Variants in ATL1 observed in about 807,000 individuals in gnomAD.
The protein encoded by ATL1 is atlastin GTPase 1.
ATL1 carries 31 observed loss-of-function variants against 75.5 expected under a neutral mutation model. The ratio of observed to expected loss-of-function variants is 0.41; its 90% CI spans 0.31 to 0.55. The LOEUF (loss-of-function observed/expected upper bound fraction) is 0.55, where lower values mean the gene tolerates loss of function less well. Among genes scored for constraint, ATL1 ranks in the 20% least tolerant of loss-of-function variants. The pLI, the probability that ATL1 is intolerant of heterozygous loss-of-function variation, is 0.27. For missense variants in ATL1, 405 were observed against 662.6 expected (o/e 0.61, Z 4.27); for synonymous variants, 226 against 233.3 (o/e 0.97, Z 0.28).
Position 50,632,311 on chromosome 14 carries a change from C to T in ATL1, c.1649C>T (p.Thr550Ile), listed in dbSNP as rs771727341. 4 of 1,612,808 alleles carry T rather than the reference C, an allele frequency of 2.5e-6. No individual in the cohort carries two copies. The African/African-American group carries it at 4.0e-5, about 16-fold the overall frequency. Reference sequence around the variant, plus strand: ...TTCCCTACACCAAAGTCGGAATCTACTGAACAATCAGAAAAGAAAAAAATG... The same window carrying T: ...TTCCCTACACCAAAGTCGGAATCTATTGAACAATCAGAAAAGAAAAAAATG... ...QAFPTPKSES[T>I]EQSEKKKM The change falls in exon 14 of 14, where the codon ACT becomes ATT. Residue 550 changes from threonine (T) to isoleucine (I), a missense_variant. Coordinates refer to ENST00000358385, the MANE Select transcript of ATL1 (RefSeq NM_015915.5).
At chr14:50,578,838 C>T (rs2039030794) in intron 1 of ATL1, among the ~76,000 whole-genome samples, 1 of 152,112 alleles carries the variant, frequency 6.6e-6, no homozygotes, top group South Asian at 2.1e-4. Flanking sequence ...ATTGCTGGGT[C>T]AGGAATACAT....
rs558910913 is a variant in ATL1 at position 50,604,006 on chromosome 14, C to T, written c.630+8374C>T. Reference sequence around the variant, plus strand: ...CCTGAAATGTCCAGAAGAGCAATAACAGCAATTTATTGCATGCTTATTTTG... The same window carrying T: ...CCTGAAATGTCCAGAAGAGCAATAATAGCAATTTATTGCATGCTTATTTTG... On this transcript the variant is annotated intron_variant, in intron 6 of 13. Coordinates refer to ENST00000358385, the MANE Select transcript of ATL1 (RefSeq NM_015915.5). 9.2e-5 allele frequency among the ~76,000 whole-genome samples: 14 copies of T among 152,296 alleles called. No homozygotes were observed. The South Asian group carries it at 2.9e-3, about 32-fold the overall frequency.
At chr14:50,607,612 G>A (rs1279738490) in intron 6 of ATL1, among the ~76,000 whole-genome samples, 1 of 151,944 alleles carries the variant, frequency 6.6e-6, no homozygotes, top group Non-Finnish European at 1.5e-5. Flanking sequence ...CAGTTCTGGT[G>A]TTTACCTTTA....
At chr14:50,612,420 T>C (rs1004277940) in intron 6 of ATL1, among the ~76,000 whole-genome samples, 2 of 152,160 alleles carry the variant, frequency 1.3e-5, no homozygotes, top group Non-Finnish European at 2.9e-5. Flanking sequence ...TTCAAAGGTA[T>C]AAAAAGTTAA....
rs563218591 is a variant in ATL1 at position 50,602,504 on chromosome 14, C to T, written c.630+6872C>T. Among the ~76,000 whole-genome samples, 5 of 152,148 alleles carry T rather than the reference C, an allele frequency of 3.3e-5. No homozygotes were observed. The South Asian group carries it at 1.0e-3, about 32-fold the overall frequency. ...AGGCTATGAAGAAATAGAAACATTC[C>T]CCATTTACTAAAGTGTATTATAGTC... On this transcript the variant is annotated intron_variant, in intron 6 of 13. Transcript: ENST00000358385.
intron 8 of ATL1, among the ~76,000 whole-genome samples, chr14:50,616,729 GA>G (rs1392774922): frequency 1.3e-5 from 2 of 152,180 alleles, no homozygotes; most frequent in East Asian, 3.8e-4. Flanking sequence ...CTAGGAAAAA[GA>G]GTAGTGAAAG....
chr14:50,562,965 A>G (rs1344072381), intron 1 of ATL1, among the ~76,000 whole-genome samples: 2 of 152,222 alleles, frequency 1.3e-5, no homozygotes, highest in Non-Finnish European at 2.9e-5. Context: ...AGCTAATGTC[A>G]TATGAAATAG....
chr14:50,578,799 A>G (rs1274915525), intron 1 of ATL1, among the ~76,000 whole-genome samples: 1 of 152,186 alleles, frequency 6.6e-6, no homozygotes, highest in Non-Finnish European at 1.5e-5. Flanking sequence ...ATGTATGAGT[A>G]TATCTGCAAA....
intron 6 of ATL1, among the ~76,000 whole-genome samples, chr14:50,607,434 C>A (rs2039325850): frequency 6.6e-6 from 1 of 151,986 alleles, no homozygotes. Context: ...TGACATCAGT[C>A]TGAGAATATG....
In ATL1 at chr14:50,582,404, T is replaced by G. The variant is rs949933483; in HGVS notation, c.35-5427T>G. On this transcript the variant is annotated intron_variant, in intron 1 of 13. Transcript: ENST00000358385. ...TTCACTCCAATCTTTTATTACAAAC[T>G]TTTCTCTTTTTTTTTTTTTCCATAA... Among the ~76,000 whole-genome samples, 13 of 151,528 alleles carry G rather than the reference T, an allele frequency of 8.6e-5. No homozygotes were observed. In the Middle Eastern group the frequency reaches 0.01, roughly 121 times the overall value.
intron 6 of ATL1, among the ~76,000 whole-genome samples, chr14:50,610,061 A>C (rs1018207434): frequency 2.0e-5 from 3 of 151,926 alleles, no homozygotes; most frequent in African/African-American, 7.2e-5. Flanking sequence ...TAAAACCTGG[A>C]TTCACACCCG....
At chr14:50,542,306 A>T (rs955123877) in intron 1 of ATL1, among the ~76,000 whole-genome samples, 1 of 146,604 alleles carries the variant, frequency 6.8e-6, no homozygotes, top group African/African-American at 2.5e-5. Context: ...GGTTGGGGGC[A>T]AGGGGAGAGA....
chr14:50,593,116 T>C (rs2039179216), intron 4 of ATL1, among the ~76,000 whole-genome samples: 1 of 151,824 alleles, frequency 6.6e-6, no homozygotes, highest in African/African-American at 2.4e-5. Flanking sequence ...CAAGCCTATT[T>C]AAACCAGATT....
At chr14:50,588,626 C>T (rs537301321) in intron 2 of ATL1, among the ~76,000 whole-genome samples, 8 of 152,158 alleles carry the variant, frequency 5.3e-5, no homozygotes, top group Admixed American at 4.6e-4. Context: ...CTGTGGCTCA[C>T]GCCTGTAATC....
intron 6 of ATL1, among the ~76,000 whole-genome samples, chr14:50,604,113 G>A (rs1202457733): frequency 2.0e-5 from 3 of 152,028 alleles, no homozygotes; most frequent in Non-Finnish European, 4.4e-5. Flanking sequence ...TAATGTTACC[G>A]CTCCTTCTTT....
At chr14:50,578,971 C>T (rs1449959591) in intron 1 of ATL1, among the ~76,000 whole-genome samples, 1 of 152,132 alleles carries the variant, frequency 6.6e-6, no homozygotes, top group Non-Finnish European at 1.5e-5. Flanking sequence ...ATAATTATTA[C>T]ACTTTTGATC....
chr14:50,630,103 G>A (rs2039565440), intron 13 of ATL1, 94 bp downstream of exon 13: 2 of 893,124 alleles, frequency 2.2e-6, no homozygotes, highest in Middle Eastern at 2.6e-4. Context: ...ATGTCTTTAT[G>A]TAGATTAGAA....
intron 1 of ATL1, 55 bp downstream of exon 1, chr14:50,560,354 T>C: frequency 1.3e-6 from 2 of 1,598,434 alleles, no homozygotes; most frequent in Non-Finnish European, 1.7e-6. Flanking sequence ...GGCCCTCCAC[T>C]TTCTGCTTCT....
At chr14:50,544,416 TA>T (rs554814239) in intron 1 of ATL1, among the ~76,000 whole-genome samples, 2 of 152,246 alleles carry the variant, frequency 1.3e-5, no homozygotes, top group South Asian at 4.1e-4. Flanking sequence ...TTGATTGGTC[TA>T]GCCTCATTTT....
Sources: allele counts gnomAD v4.1 joint callset (sites outside exome capture counted in the v4.1 genomes callset), GRCh38; gene constraint gnomAD v4.1.1; transcripts MANE v1.5; gene names NCBI Gene and HGNC (gene_info 2026-07-23, HGNC 2026-07-21).